The following MAPK12 variants were observed in gnomAD, a reference collection of about 807,000 sequenced individuals.
MAPK12 encodes MAP kinase 12.
A neutral mutation model predicts 49.1 loss-of-function variants in MAPK12; 49 were observed. The ratio of observed to expected loss-of-function variants is 1.00; its 90% CI spans 0.79 to 1.27. The LOEUF (loss-of-function observed/expected upper bound fraction) is 1.27, where lower values mean the gene tolerates loss of function less well. MAPK12 is among the 50% of genes most tolerant of loss of function. The probability of loss-of-function intolerance (pLI) is 0.00; values close to 1 mark genes in which losing one functional copy is unlikely to be tolerated. For missense variants in MAPK12, 554 were observed against 502.4 expected (o/e 1.10, Z -0.98); for synonymous variants, 251 against 209.7 (o/e 1.20, Z -1.70).
chr22:50,259,183 C>T (rs896382575), intron 2 of MAPK12, among the ~76,000 whole-genome samples: 11 of 152,096 alleles, frequency 7.2e-5, no homozygotes, highest in African/African-American at 2.2e-4. Flanking sequence ...ACAGCTCCGC[C>T]GGAGCCACGT....
chr22:50,253,740 G>A (rs768145954), intron 11 of MAPK12: 2 of 556,168 alleles, frequency 3.6e-6, no homozygotes, highest in East Asian at 3.0e-5. Flanking sequence ...AGCCACAGTT[G>A]TGTGGGTGGG....
At chr22:50,260,891 C>T in intron 2 of MAPK12, 1 of 320,326 alleles carries the variant, frequency 3.1e-6, no homozygotes, top group Non-Finnish European at 5.8e-6. Flanking sequence ...TGGGCCTGGC[C>T]AAGTCGTGTT....
chr22:50,253,502 G>GGGGGGGGGAC, intron 11 of MAPK12, 22 bp from the exon 12 acceptor site: 4 of 171,684 alleles, frequency 2.3e-5, no homozygotes, highest in South Asian at 8.9e-5. Flanking sequence ...GGGGGGGCGG[G>GGGGGGGGGAC]CACAACAGAG....
At chr22:50,255,104 TACCCGGAGCCCCCAACTCACAGGTC>T (rs746953329) in intron 11 of MAPK12, 68 bp downstream of exon 11, 150 of 1,542,376 alleles carry the variant, frequency 9.7e-5, no homozygotes, top group African/African-American at 6.3e-4. Context: ...ACACAGGCCC[TACCCGGAGCCCCCAACTCACAGGTC>T]CACACAGGCC....
chr22:50,258,162 T>C (rs1006720666), intron 3 of MAPK12, 81 bp downstream of exon 3: 1 of 1,366,280 alleles, frequency 7.3e-7, no homozygotes, highest in African/African-American at 1.4e-5. Flanking sequence ...AGAACCCCAT[T>C]GCCAACCTAG....
In MAPK12 at chr22:50,256,768, T is replaced by G. The variant is rs574900665; in HGVS notation, c.457-122A>C. 4 of 1,517,034 alleles carry G rather than the reference T, an allele frequency of 2.6e-6. No homozygotes were observed. The East Asian group carries it at 9.3e-5, about 35-fold the overall frequency. 94.0% of individuals were successfully genotyped at this position (1,517,034 alleles called of 1,614,324 possible). Reference sequence around the variant, plus strand: ...TGGCCCCCTTGCTCTCTGCAGCCCTTCAAGGGCAGACCAAGGTACCTGGGC... The same window carrying G: ...TGGCCCCCTTGCTCTCTGCAGCCCTGCAAGGGCAGACCAAGGTACCTGGGC... On this transcript the variant is annotated intron_variant, in intron 5 of 11. Coordinates refer to ENST00000215659, the MANE Select transcript of MAPK12 (RefSeq NM_002969.6).
At position 50,255,653 on chromosome 22, in the gene MAPK12, G is replaced by A. The variant is rs1251050892; in HGVS notation, c.733C>T (p.Pro245Ser). ...AGCCGCTGCACAAACTCAGCCGGAG[G>A]CGTCCCCGTCACCTTCATGATCTCC... is the stretch of plus-strand genomic sequence containing the variant. The part of the protein sequence containing the change: ...LKEIMKVTGT[P>S]PAEFVQRLQS... Residue 245 changes from proline to serine, a missense_variant, in exon 9 of 12, where the codon CCT becomes TCT. Pro to Ser is a moderately conservative substitution (Grantham distance 74, BLOSUM62 -1). Coordinates refer to ENST00000215659, the MANE Select transcript of MAPK12 (RefSeq NM_002969.6). 2 of 1,610,626 alleles carry A rather than the reference G, an allele frequency of 1.2e-6. No homozygotes were observed. The highest frequency in any genetic ancestry group is 1.7e-6 in the Non-Finnish European group (2 of 1,179,760).
chr22:50,253,502 G>GTGGGC, intron 11 of MAPK12, 22 bp from the exon 12 acceptor site: 1 of 171,682 alleles, frequency 5.8e-6, no homozygotes, highest in Non-Finnish European at 1.1e-5. Flanking sequence ...GGGGGGGCGG[G>GTGGGC]CACAACAGAG....
intron 7 of MAPK12, 27 bp downstream of exon 7, chr22:50,256,057 AG>A (rs1245497448): frequency 6.3e-7 from 1 of 1,583,534 alleles, no homozygotes; most frequent in Non-Finnish European, 8.7e-7. Flanking sequence ...GCAGCCTGAG[AG>A]GCCCAGATCT....
chr22:50,258,388 A>T, intron 2 of MAPK12, 87 bp from the exon 3 acceptor site: 1 of 1,126,722 alleles, frequency 8.9e-7, no homozygotes, highest in Non-Finnish European at 1.3e-6. Flanking sequence ...TGGGCAGGAA[A>T]CCCCCTCTGC....
intron 3 of MAPK12, 51 bp from the exon 4 acceptor site, chr22:50,257,244 C>T (rs142903546): frequency 6.9e-7 from 1 of 1,456,438 alleles, no homozygotes; most frequent in African/African-American, 1.4e-5. Flanking sequence ...CCTCTGCATC[C>T]CAGAGACCCA....
chr22:50,257,415 C>A (rs952573660), intron 3 of MAPK12: 4 of 578,514 alleles, frequency 6.9e-6, no homozygotes, highest in South Asian at 2.0e-5. Flanking sequence ...AGCGCTCACA[C>A]CCCCCTCCCA....
intron 2 of MAPK12, 93 bp from the exon 3 acceptor site, chr22:50,258,394 TCTGCA>T (rs2065175493): frequency 9.6e-7 from 1 of 1,045,690 alleles, no homozygotes; most frequent in East Asian, 2.4e-5. Context: ...GGAAACCCCC[TCTGCA>T]GCTGTCATTG....
At chr22:50,259,515 G>T (rs1200827912) in intron 2 of MAPK12, among the ~76,000 whole-genome samples, 1 of 152,062 alleles carries the variant, frequency 6.6e-6, no homozygotes, top group African/African-American at 2.4e-5. Flanking sequence ...AGCCTCAGCT[G>T]CAGGCCAGGA....
In MAPK12 at chr22:50,261,535, G is replaced by A. The variant is rs780056389; in HGVS notation, c.-26C>T. 3.6e-6 allele frequency: 4 copies of A among 1,096,852 alleles called. No homozygotes were observed. The highest frequency in any genetic ancestry group is 3.4e-6 in the Non-Finnish European group (3 of 892,978). The allele number at this position is 1,096,852 out of a possible 1,614,324, so 67.9% of individuals were successfully genotyped here. Reference sequence around the variant, plus strand: ...GGCAGGCCCGGGAGCTGCCCACCCCGCAGAGCCTGCGGGCGGTGCCCCCAC... The same window carrying A: ...GGCAGGCCCGGGAGCTGCCCACCCCACAGAGCCTGCGGGCGGTGCCCCCAC... On this transcript the variant is annotated 5_prime_UTR_variant, in exon 1 of 12. Transcript: ENST00000215659.
chr22:50,254,795 G>A (rs1005242330), intron 11 of MAPK12: 1 of 1,142,288 alleles, frequency 8.8e-7, no homozygotes, highest in African/African-American at 1.6e-5. Context: ...GCAGGTCTGG[G>A]GGCCAGGAGG....
At position 50,261,432 on chromosome 22, in the gene MAPK12, C is replaced by T. The variant is rs2065212806; in HGVS notation, c.78G>A (p.Val26=). ...AGCCCACGGGCTGCAGGTCCCGGTACACGGCGCGCACCTCCCAGGCCGTCT... is the reference window on the plus strand; with the variant it reads ...AGCCCACGGGCTGCAGGTCCCGGTATACGGCGCGCACCTCCCAGGCCGTCT... ...VTKTAWEVRA[V]YRDLQPVGSG... Residue 26 remains valine, a synonymous_variant, in exon 1 of 12, where the codon GTG becomes GTA. Transcript: ENST00000215659. 7.9e-7 allele frequency: 1 copy of T among 1,268,226 alleles called. No homozygotes were observed. The highest frequency in any genetic ancestry group is 1.0e-6 in the Non-Finnish European group (1 of 984,040). 78.6% of individuals were successfully genotyped at this position (1,268,226 alleles called of 1,614,324 possible). A position where few individuals can be genotyped will look rare whatever the true frequency, so the allele number is the denominator to read the frequency against.
intron 2 of MAPK12, 74 bp downstream of exon 2, chr22:50,261,093 G>C: frequency 7.0e-7 from 1 of 1,420,682 alleles, no homozygotes; most frequent in Non-Finnish European, 9.3e-7. Context: ...AGGGGTTGCC[G>C]GGTGGGGGAA....
At chr22:50,255,017 G>A in intron 11 of MAPK12, 180 bp downstream of exon 11, 1 of 1,478,888 alleles carries the variant, frequency 6.8e-7, no homozygotes, top group Non-Finnish European at 9.0e-7. Context: ...GGGGATCTAG[G>A]ACTCTGAGCC....
Sources: allele counts gnomAD v4.1 joint callset (sites outside exome capture counted in the v4.1 genomes callset), GRCh38; gene constraint gnomAD v4.1.1; transcripts MANE v1.5; gene names NCBI Gene and HGNC (gene_info 2026-07-23, HGNC 2026-07-21).